HS3ST4: variants seen among roughly 807,000 people sequenced by gnomAD.
HS3ST4 encodes heparan sulfate-glucosamine 3-sulfotransferase 4.
In HS3ST4, 17 loss-of-function variants were observed where a neutral mutation model predicts 29.2. The observed-to-expected ratio is 0.58, with a 90% confidence interval of 0.40 to 0.87. HS3ST4 has a LOEUF of 0.87. HS3ST4 is among the 40% of genes least tolerant of loss of function. The probability of loss-of-function intolerance (pLI) is 0.00; values close to 1 mark genes in which losing one functional copy is unlikely to be tolerated. For synonymous variants in HS3ST4, 314 were observed against 285.7 expected (o/e 1.10, Z -1.00); for missense variants, 627 against 634.5 (o/e 0.99, Z 0.13).
At chr16:25,996,586 A>G (rs1969160966) in intron 1 of HS3ST4, among the ~76,000 whole-genome samples, 1 of 152,170 alleles carries the variant, frequency 6.6e-6, no homozygotes, top group South Asian at 2.1e-4. Context: ...ATTGTCTTAT[A>G]TTATGCAACT....
chr16:26,022,109 C>T (rs1239415530), intron 1 of HS3ST4, among the ~76,000 whole-genome samples: 2 of 152,136 alleles, frequency 1.3e-5, no homozygotes, highest in Admixed American at 6.6e-5. Context: ...ACTACAGGCA[C>T]ATGTCACCAT....
chr16:25,727,421 TA>T (rs1216163838), intron 1 of HS3ST4, among the ~76,000 whole-genome samples: 2 of 152,180 alleles, frequency 1.3e-5, no homozygotes, highest in African/African-American at 2.4e-5. Context: ...AATTTCCCTT[TA>T]AAAAATATGT....
intron 1 of HS3ST4, among the ~76,000 whole-genome samples, chr16:25,903,296 G>A (rs898180189): frequency 3.4e-4 from 6 of 17,644 alleles, no homozygotes; most frequent in Non-Finnish European, 6.1e-4. Flanking sequence ...GTGTGTGTGT[G>A]TGTGTGTATG....
At chr16:25,716,958 G>A (rs1212378361) in intron 1 of HS3ST4, among the ~76,000 whole-genome samples, 1 of 152,074 alleles carries the variant, frequency 6.6e-6, no homozygotes, top group Non-Finnish European at 1.5e-5. Context: ...GGAGGCTGAG[G>A]CAGGAGAATC....
intron 1 of HS3ST4, among the ~76,000 whole-genome samples, chr16:25,736,165 C>CA (rs1195027192): frequency 6.6e-6 from 1 of 152,088 alleles, no homozygotes. Flanking sequence ...GAGCAGAGGT[C>CA]AAAGGATATT....
intron 1 of HS3ST4, among the ~76,000 whole-genome samples, chr16:26,051,880 GCCTCCCTC>G (rs60911157): frequency 0.029 from 1,830 of 62,974 alleles, 42 homozygotes; most frequent in African/African-American, 0.05. Context: ...CTCCCTCCCT[GCCTCCCTC>G]CCTCCCTCCC....
At chr16:25,733,064 A>G (rs915876428) in intron 1 of HS3ST4, among the ~76,000 whole-genome samples, 2 of 152,196 alleles carry the variant, frequency 1.3e-5, no homozygotes, top group Non-Finnish European at 2.9e-5. Flanking sequence ...TCTGAGGTCC[A>G]TCTAATGTAG....
intron 1 of HS3ST4, among the ~76,000 whole-genome samples, chr16:25,873,534 CT>C (rs1967790425): frequency 1.3e-5 from 2 of 149,416 alleles, no homozygotes; most frequent in African/African-American, 5.0e-5. Flanking sequence ...GTCTATCTAT[CT>C]ATCTTTCTCT....
chr16:25,962,943 G>A (rs1424233862), intron 1 of HS3ST4, among the ~76,000 whole-genome samples: 1 of 152,156 alleles, frequency 6.6e-6, no homozygotes, highest in African/African-American at 2.4e-5. Flanking sequence ...ATTACTATGA[G>A]TGCCATTACT....
At chr16:25,736,023 T>A (rs1966606820) in intron 1 of HS3ST4, among the ~76,000 whole-genome samples, 1 of 152,222 alleles carries the variant, frequency 6.6e-6, no homozygotes, top group South Asian at 2.1e-4. Context: ...TGTAATTTAC[T>A]TGATCACCAA....
At chr16:25,883,181 C>G (rs1349509009) in intron 1 of HS3ST4, among the ~76,000 whole-genome samples, 1 of 144,002 alleles carries the variant, frequency 6.9e-6, no homozygotes, top group Non-Finnish European at 1.5e-5. Flanking sequence ...ACAAAAATCT[C>G]ATTCTCACAG....
chr16:26,011,917 A>G (rs916725868), intron 1 of HS3ST4, among the ~76,000 whole-genome samples: 7 of 152,216 alleles, frequency 4.6e-5, no homozygotes, highest in Non-Finnish European at 7.3e-5. Flanking sequence ...CTTCCTAAGT[A>G]TTACCCAAGC....
At chr16:25,973,494 G>A (rs1968915945) in intron 1 of HS3ST4, among the ~76,000 whole-genome samples, 1 of 152,206 alleles carries the variant, frequency 6.6e-6, no homozygotes, top group Admixed American at 6.5e-5. Context: ...TCTCCAAGAT[G>A]TGCCCATGAA....
At chr16:25,974,995 G>T (rs1968929699) in intron 1 of HS3ST4, among the ~76,000 whole-genome samples, 1 of 152,008 alleles carries the variant, frequency 6.6e-6, no homozygotes, top group Admixed American at 6.6e-5. Flanking sequence ...TCATCCAGTT[G>T]CTCTGGTTAA....
rs372146682 is a variant in HS3ST4 at position 25,789,182 on chromosome 16, T to C, written c.734+96031T>C. Among the ~76,000 whole-genome samples the C allele has an allele frequency of 1.2e-4, 18 of 152,206 alleles. No homozygotes were observed. In the South Asian group the frequency reaches 1.2e-3, roughly 11 times the overall value. ...GAAATGAGAGCCATAAAGGATGTTA[T>C]TTAGTCTCAATTCCTCATTTTACTG... On this transcript the variant is annotated intron_variant, in intron 1 of 1. Transcript: ENST00000331351.
chr16:25,863,418 C>G (rs1452637502), intron 1 of HS3ST4, among the ~76,000 whole-genome samples: 3 of 152,068 alleles, frequency 2.0e-5, no homozygotes, highest in Admixed American at 6.6e-5. Flanking sequence ...TGTGGCTTGA[C>G]TTTTCTCTCT....
In HS3ST4 at chr16:26,107,257, A is replaced by T. The variant is rs150350312; in HGVS notation, c.735-28355A>T. Among the ~76,000 whole-genome samples the T allele has an allele frequency of 1.1e-4, 17 of 152,130 alleles. No homozygotes were observed. The East Asian group carries it at 2.5e-3, about 23-fold the overall frequency. The stretch of plus-strand genomic sequence containing the variant: ...AATCGTTTAACACAAAACTACACAC[A>T]CACACACATATATATGTAGTTTTAT... On this transcript the variant is annotated intron_variant, in intron 1 of 1. Coordinates refer to ENST00000331351, the MANE Select transcript of HS3ST4 (RefSeq NM_006040.3).
At chr16:26,056,963 A>G (rs1249056028) in intron 1 of HS3ST4, among the ~76,000 whole-genome samples, 2 of 152,140 alleles carry the variant, frequency 1.3e-5, no homozygotes, top group African/African-American at 4.8e-5. Context: ...CTTCACTGTG[A>G]CCTTGTAGAA....
intron 1 of HS3ST4, among the ~76,000 whole-genome samples, chr16:26,132,967 A>G (rs560153318): frequency 5.6e-4 from 85 of 152,288 alleles, no homozygotes; most frequent in Admixed American, 2.0e-3. Flanking sequence ...TGGTCAGTAT[A>G]TTTCCTATAC....
Sources: gnomAD v4.1 joint callset for allele counts (sites outside exome capture counted in the v4.1 genomes callset) on GRCh38, gnomAD v4.1.1 for gene constraint, MANE v1.5 for transcripts, NCBI Gene and HGNC (gene_info 2026-07-23, HGNC 2026-07-21) for gene names.